The following HDLBP variants were observed in gnomAD, a reference collection of about 807,000 sequenced individuals.
HDLBP encodes the protein vigilin.
A neutral mutation model predicts 137.3 loss-of-function variants in HDLBP; 30 were observed. That is an observed-to-expected ratio of 0.22 (90% CI 0.16 to 0.30). HDLBP has a LOEUF of 0.30. Ranked by LOEUF, HDLBP falls within the 10% of genes least tolerant of loss-of-function variation. HDLBP has a pLI of 1.00. For synonymous variants in HDLBP, 606 were observed against 596.0 expected (o/e 1.02, Z -0.24); for missense variants, 1,119 against 1,667.3 (o/e 0.67, Z 5.73).
At chr2:241,235,435 G>T in intron 22 of HDLBP, 55 bp downstream of exon 22, 1 of 1,482,058 alleles carries the variant, frequency 6.7e-7, no homozygotes, top group Non-Finnish European at 9.4e-7. Flanking sequence ...CTGGCACTCG[G>T]GAGAGGATGC....
rs1342189249 is a variant in HDLBP at position 241,272,689 on chromosome 2, C to G, written c.-102-4148G>C. On this transcript the variant is annotated intron_variant, in intron 1 of 27. Transcript: ENST00000310931. This position sits in a 1 kb window ranked among gnomAD's most constrained non-coding sequence, Gnocchi z 5.6. ...TCCACGTCAGCAGCCACCCCCCACC[C>G]CCCCGCCCGGCAGCCCGCCCGCCCC... 1 of 766,818 alleles carries G rather than the reference C, an allele frequency of 1.3e-6. No homozygotes were observed. Among genetic ancestry groups the G allele is most frequent in the Non-Finnish European group, 1.6e-6 (1 of 635,342 alleles). 47.5% of individuals were successfully genotyped at this position (766,818 alleles called of 1,614,324 possible). A position where few individuals can be genotyped will look rare whatever the true frequency, so the allele number is the denominator to read the frequency against.
chr2:241,297,652 G>A (rs2075230331), intron 1 of HDLBP, among the ~76,000 whole-genome samples: 1 of 152,132 alleles, frequency 6.6e-6, no homozygotes, highest in Non-Finnish European at 1.5e-5. Flanking sequence ...AGGGAAGCAG[G>A]CCTTCTTGAA....
chr2:241,248,256 G>A lies in HDLBP; in HGVS notation c.1605C>T (p.Asp535=). 1 of 1,613,416 alleles carries A rather than the reference G, an allele frequency of 6.2e-7. No individual in the cohort carries two copies. The highest frequency in any genetic ancestry group is 8.5e-7 in the Non-Finnish European group (1 of 1,179,302). ...TGGGAAACTTTACCTCTGGGAATTT[G>A]TCACGAATTTCACGGATCCGTTCAC... ...QKGERIREIR[D]KFPEVIINFP... is the part of the protein sequence containing the mutation. The change falls in exon 13 of 28, where the codon GAC becomes GAT. Residue 535 remains aspartate, a synonymous_variant. Transcript: ENST00000310931.
At chr2:241,312,338 A>T (rs1265994447) in intron 1 of HDLBP, among the ~76,000 whole-genome samples, 1 of 152,234 alleles carries the variant, frequency 6.6e-6, no homozygotes, top group Non-Finnish European at 1.5e-5. Flanking sequence ...TTGGTAAAAC[A>T]ATAGCCTACT....
Position 241,255,419 on chromosome 2 carries a change from G to T in HDLBP, c.1035C>A (p.Gly345=). The T allele has an allele frequency of 1.2e-6, 2 of 1,614,180 alleles. No homozygotes were observed. Among genetic ancestry groups the T allele is most frequent in the African/African-American group, 1.3e-5 (1 of 75,044 alleles). The change falls in exon 8 of 28, where the codon GGC becomes GGA. Residue 345 remains glycine (G), a synonymous_variant. Transcript: ENST00000310931. ...DSISETVILR[G]EPEKLGQALT... is the part of the protein sequence containing the mutation. ...ACGCCTGACCTAACTTTTCAGGTTC[G>T]CCTCGAAGTATTACAGTCTCAGAGA...
At chr2:241,286,483 T>C (rs1308902862) in intron 1 of HDLBP, among the ~76,000 whole-genome samples, 1 of 152,334 alleles carries the variant, frequency 6.6e-6, no homozygotes, top group Non-Finnish European at 1.5e-5. Flanking sequence ...TGCCTGTGAC[T>C]TGGAAGTCCC....
intron 1 of HDLBP, among the ~76,000 whole-genome samples, chr2:241,292,092 T>TCAA (rs1402885980): frequency 3.3e-5 from 5 of 152,148 alleles, no homozygotes; most frequent in African/African-American, 1.2e-4. Flanking sequence ...ACTCTATAAT[T>TCAA]CAACCTACTG....
In HDLBP at chr2:241,227,761, G is replaced by C. The variant is rs1042449971; in HGVS notation, c.*1840C>G. The C allele has an allele frequency of 6.6e-6, 1 of 152,550 alleles. No individual in the cohort carries two copies. Among genetic ancestry groups the C allele is most frequent in the Non-Finnish European group, 1.5e-5 (1 of 68,096 alleles). The allele number at this position is 152,550 out of a possible 1,614,324, so 9.4% of individuals were successfully genotyped here. The stretch of plus-strand genomic sequence containing the variant: ...CGATGGAGATTGGGGGGAGCTGGAA[G>C]CAAGCAGCCAACAGGACAGAGTTCC... On this transcript the variant is annotated 3_prime_UTR_variant, in exon 28 of 28. Coordinates refer to ENST00000310931, the MANE Select transcript of HDLBP (RefSeq NM_005336.6).
chr2:241,258,458 A>G (rs1302202326), intron 5 of HDLBP, among the ~76,000 whole-genome samples: 3 of 151,384 alleles, frequency 2.0e-5, no homozygotes, highest in Admixed American at 2.0e-4. Flanking sequence ...TAGGAGGTTG[A>G]GGCTCCGGTG....
In HDLBP at chr2:241,283,224, G is replaced by C. The variant is rs182657752; in HGVS notation, c.-102-14683C>G. On this transcript the variant is annotated intron_variant, in intron 1 of 27. Coordinates refer to ENST00000310931, the MANE Select transcript of HDLBP (RefSeq NM_005336.6). The stretch of plus-strand genomic sequence containing the variant: ...AACTCTCTTTAATTCCATGAAGGCT[G>C]AGAGAGGTGAGGAAGCTGCAGGAAA... Among the ~76,000 whole-genome samples, 237 of 152,344 alleles carry C rather than the reference G, an allele frequency of 1.6e-3. No individual in the cohort carries two copies. The Middle Eastern group carries it at 0.027, about 18-fold the overall frequency.
At chr2:241,254,744 A>G (rs910106569) in intron 9 of HDLBP, among the ~76,000 whole-genome samples, 1 of 152,188 alleles carries the variant, frequency 6.6e-6, no homozygotes, top group Non-Finnish European at 1.5e-5. Flanking sequence ...CCGGCCCGCC[A>G]AAGTATCATG....
rs2149487807 is a variant in HDLBP, at chr2:241,256,810, T to TA, written c.451-5dup. ...GAATGGCAACAGTTGCTGAGGCCTA[T>TA]AGCAAGAAGAGAATAAAAGAAAACA... is the stretch of plus-strand genomic sequence containing the variant. On this transcript the variant is annotated splice_region_variant and splice_polypyrimidine_tract_variant and intron_variant, in intron 5 of 27. Transcript: ENST00000310931. 6.2e-7 allele frequency: 1 copy of TA among 1,610,214 alleles called. No individual in the cohort carries two copies. The highest frequency in any genetic ancestry group is 1.3e-5 in the African/African-American group (1 of 74,886).
chr2:241,305,185 G>A (rs1240850441), intron 1 of HDLBP, among the ~76,000 whole-genome samples: 18 of 152,230 alleles, frequency 1.2e-4, no homozygotes, highest in African/African-American at 3.9e-4. Flanking sequence ...GTGCAGTGGC[G>A]CGATCTTGGC....
Position 241,227,768 on chromosome 2 carries a change from G to A in HDLBP, c.*1833C>T, listed in dbSNP as rs1336865127. 2.6e-5 allele frequency: 4 copies of A among 152,516 alleles called. No homozygotes were observed. The highest frequency in any genetic ancestry group is 5.9e-5 in the Non-Finnish European group (4 of 68,094). The allele number at this position is 152,516 out of a possible 1,614,324, so 9.4% of individuals were successfully genotyped here. On this transcript the variant is annotated 3_prime_UTR_variant, in exon 28 of 28. Transcript: ENST00000310931. ...GATTGGGGGGAGCTGGAAGCAAGCA[G>A]CCAACAGGACAGAGTTCCAGAACTC...
chr2:241,273,540 A>G (rs1482622851), intron 1 of HDLBP: 1 of 937,802 alleles, frequency 1.1e-6, no homozygotes, highest in African/African-American at 1.8e-5. Flanking sequence ...TCACTTCTGC[A>G]TCCATTGTGT....
At chr2:241,246,642 C>T in intron 16 of HDLBP, 110 bp downstream of exon 16, 1 of 1,065,216 alleles carries the variant, frequency 9.4e-7, no homozygotes, top group Non-Finnish European at 1.4e-6. Flanking sequence ...CAATCTTCCA[C>T]ATCAGCCTGC....
chr2:241,258,774 G>C (rs1280605343), intron 5 of HDLBP, among the ~76,000 whole-genome samples: 2 of 152,130 alleles, frequency 1.3e-5, no homozygotes, highest in South Asian at 2.1e-4. Flanking sequence ...GCTCAATCTT[G>C]CTCATCAGAA....
Position 241,272,932 on chromosome 2 carries a change from C to A in HDLBP, c.-102-4391G>T. ...GCCCCGCCGCTGGGGTCCCCGCCGC[C>A]CCGGGCCGCCCAGCACCCGGGAGGC... On this transcript the variant is annotated intron_variant, in intron 1 of 27. Coordinates refer to ENST00000310931, the MANE Select transcript of HDLBP (RefSeq NM_005336.6). This position sits in a 1 kb window ranked among gnomAD's most constrained non-coding sequence, Gnocchi z 5.6. 3 of 829,320 alleles carry A rather than the reference C, an allele frequency of 3.6e-6. No individual in the cohort carries two copies. Among genetic ancestry groups the A allele is most frequent in the South Asian group, 5.4e-5 (1 of 18,588 alleles). 51.4% of individuals were successfully genotyped at this position (829,320 alleles called of 1,614,324 possible).
intron 1 of HDLBP, among the ~76,000 whole-genome samples, chr2:241,302,126 C>G (rs565664390): frequency 6.6e-6 from 1 of 152,026 alleles, no homozygotes; most frequent in South Asian, 2.1e-4. Flanking sequence ...AGGTACAGTG[C>G]CTGTAGTATG....
Sources: allele counts gnomAD v4.1 joint callset (sites outside exome capture counted in the v4.1 genomes callset), GRCh38; gene constraint gnomAD v4.1.1; non-coding constraint Gnocchi (gnomAD v3.1); transcripts MANE v1.5; gene names NCBI Gene and HGNC (gene_info 2026-07-23, HGNC 2026-07-21).